Variants in PPP1R12B observed in about 807,000 individuals in gnomAD.
PPP1R12B encodes the protein myosin phosphatase target subunit 2.
A neutral mutation model predicts 126.1 loss-of-function variants in PPP1R12B; 76 were observed. The ratio of observed to expected loss-of-function variants is 0.60; its 90% CI spans 0.50 to 0.73. The LOEUF (loss-of-function observed/expected upper bound fraction) is 0.73. Ranked by LOEUF, PPP1R12B falls within the 30% of genes least tolerant of loss-of-function variation. The pLI, the probability that PPP1R12B is intolerant of heterozygous loss-of-function variation, is 0.00. For synonymous variants in PPP1R12B, 356 were observed against 434.7 expected (o/e 0.82, Z 2.25); for missense variants, 1,052 against 1,205.1 (o/e 0.87, Z 1.88).
At chr1:202,389,881 C>T (rs1475746416) in intron 1 of PPP1R12B, among the ~76,000 whole-genome samples, 39 of 148,532 alleles carry the variant, frequency 2.6e-4, no homozygotes, top group African/African-American at 8.5e-4. Context: ...GAGCCAAGAT[C>T]GCTCCACTGC....
At chr1:202,410,033 C>T (rs1667185417) in intron 1 of PPP1R12B, 1 of 152,092 alleles carries the variant, frequency 6.6e-6, no homozygotes, top group Admixed American at 6.5e-5. Flanking sequence ...TCGATATACT[C>T]TGGATATTAA....
At chr1:202,465,596 T>A (rs536565252) in intron 13 of PPP1R12B, among the ~76,000 whole-genome samples, 3 of 152,240 alleles carry the variant, frequency 2.0e-5, no homozygotes, top group African/African-American at 7.2e-5. Context: ...TTTGGGAGAG[T>A]TCCAGAGCCT....
chr1:202,559,796 A>C (rs1687337771), intron 19 of PPP1R12B, among the ~76,000 whole-genome samples: 2 of 152,092 alleles, frequency 1.3e-5, no homozygotes, highest in African/African-American at 4.8e-5. Flanking sequence ...TTTACTTCTA[A>C]CCTAGCAGAA....
chr1:202,448,467 T>C (rs890675829), intron 12 of PPP1R12B: 2 of 153,278 alleles, frequency 1.3e-5, no homozygotes, highest in African/African-American at 4.8e-5. Flanking sequence ...GAACTAAGCA[T>C]ACTGAGACTG....
At chr1:202,574,492 G>A (rs1395703885) in intron 23 of PPP1R12B, among the ~76,000 whole-genome samples, 1 of 152,170 alleles carries the variant, frequency 6.6e-6, no homozygotes, top group Non-Finnish European at 1.5e-5. Context: ...GACAGAGTCG[G>A]ACCCTATCTC....
At chr1:202,557,596 C>T (rs1031647081) in intron 18 of PPP1R12B, among the ~76,000 whole-genome samples, 3 of 152,148 alleles carry the variant, frequency 2.0e-5, no homozygotes, top group East Asian at 1.9e-4. Context: ...CAAAAACCTT[C>T]GTTTAGTCCA....
chr1:202,446,252 A>ATTTTTTT (rs1441894134), intron 12 of PPP1R12B, among the ~76,000 whole-genome samples: 6 of 57,280 alleles, frequency 1.0e-4, no homozygotes, highest in African/African-American at 4.8e-4. Context: ...ATATATATAT[A>ATTTTTTT]TATATTTTTT....
intron 18 of PPP1R12B, among the ~76,000 whole-genome samples, chr1:202,512,690 A>T (rs78298287): frequency 1.2e-4 from 19 of 152,326 alleles, no homozygotes; most frequent in Admixed American, 3.3e-4. Context: ...AAGGCAGCTC[A>T]TATGGTAGTA....
At chr1:202,397,430 G>C (rs1440257360) in intron 1 of PPP1R12B, among the ~76,000 whole-genome samples, 1 of 151,950 alleles carries the variant, frequency 6.6e-6, no homozygotes, top group Non-Finnish European at 1.5e-5. Context: ...TCATAGCTTT[G>C]TGGTAGGTTG....
At chr1:202,483,860 A>G (rs1309607328) in intron 13 of PPP1R12B, among the ~76,000 whole-genome samples, 1 of 152,150 alleles carries the variant, frequency 6.6e-6, no homozygotes, top group Non-Finnish European at 1.5e-5. Flanking sequence ...CCCTTTATCA[A>G]TGTCTGATGA....
At chr1:202,544,738 C>T (rs985443401) in intron 18 of PPP1R12B, among the ~76,000 whole-genome samples, 22 of 152,102 alleles carry the variant, frequency 1.4e-4, no homozygotes, top group South Asian at 4.1e-4. Flanking sequence ...CAAAAAAATA[C>T]AAAGATGTTA....
chr1:202,424,166 T>C (rs1388825277), intron 3 of PPP1R12B, among the ~76,000 whole-genome samples: 2 of 152,204 alleles, frequency 1.3e-5, no homozygotes, highest in Admixed American at 6.5e-5. Context: ...TGAGGGAACA[T>C]ACTCTGTTGA....
intron 14 of PPP1R12B, among the ~76,000 whole-genome samples, chr1:202,489,734 G>A (rs1177431453): frequency 6.6e-6 from 1 of 152,148 alleles, no homozygotes; most frequent in Non-Finnish European, 1.5e-5. Flanking sequence ...TTTCTTTTTG[G>A]GGTGATGAAA....
chr1:202,551,701 T>A (rs527458175), intron 18 of PPP1R12B, among the ~76,000 whole-genome samples: 1 of 152,160 alleles, frequency 6.6e-6, no homozygotes, highest in African/African-American at 2.4e-5. Context: ...GGGCCTGAGC[T>A]AATCACATGA....
intron 23 of PPP1R12B, among the ~76,000 whole-genome samples, chr1:202,573,142 T>C (rs887993197): frequency 6.6e-6 from 1 of 151,714 alleles, no homozygotes; most frequent in Admixed American, 6.5e-5. Context: ...CCAGGGACTT[T>C]CCATTGGCTT....
At chr1:202,499,316 G>A (rs1679936613) in intron 18 of PPP1R12B, among the ~76,000 whole-genome samples, 1 of 152,096 alleles carries the variant, frequency 6.6e-6, no homozygotes, top group Non-Finnish European at 1.5e-5. Flanking sequence ...GTGCAGTGAT[G>A]TAGTCATGGC....
At chr1:202,446,755 T>C (rs1672347897) in intron 12 of PPP1R12B, among the ~76,000 whole-genome samples, 1 of 151,744 alleles carries the variant, frequency 6.6e-6, no homozygotes, top group African/African-American at 2.4e-5. Context: ...ATCTAAATAG[T>C]AGTGGCTTAA....
intron 1 of PPP1R12B, among the ~76,000 whole-genome samples, chr1:202,389,011 T>G (rs1021018394): frequency 6.6e-6 from 1 of 152,162 alleles, no homozygotes; most frequent in African/African-American, 2.4e-5. Context: ...TTGATAATGG[T>G]GACATTTCAA....
chr1:202,431,868 C>T (rs989132968), intron 8 of PPP1R12B, among the ~76,000 whole-genome samples: 8 of 152,154 alleles, frequency 5.3e-5, no homozygotes, highest in African/African-American at 1.2e-4. Context: ...ATGCTGGGTA[C>T]GGTGCCTTAG....
Sources: allele counts gnomAD v4.1 joint callset (sites outside exome capture counted in the v4.1 genomes callset), GRCh38; gene constraint gnomAD v4.1.1; transcripts MANE v1.5; gene names NCBI Gene and HGNC (gene_info 2026-07-23, HGNC 2026-07-21).